Variants in SCN3A observed in about 807,000 individuals in gnomAD.
The protein encoded by SCN3A is sodium voltage-gated channel alpha subunit 3.
SCN3A carries 60 observed loss-of-function variants against 187.6 expected under a neutral mutation model. The ratio of observed to expected loss-of-function variants is 0.32; its 90% CI spans 0.26 to 0.40. SCN3A has a LOEUF of 0.40. Among genes scored for constraint, SCN3A ranks in the 10% least tolerant of loss-of-function variants. SCN3A has a pLI of 1.00. For synonymous variants in SCN3A, 788 were observed against 829.2 expected (o/e 0.95, Z 0.85); for missense variants, 1,601 against 2,428.2 (o/e 0.66, Z 7.16).
intron 21 of SCN3A, among the ~76,000 whole-genome samples, chr2:165,105,385 T>C (rs1685800711): frequency 6.6e-6 from 1 of 152,076 alleles, no homozygotes; most frequent in African/African-American, 2.4e-5. Flanking sequence ...AAATAGCACA[T>C]GGTATTTAAG....
At chr2:165,156,284 A>G (rs1574248336) in intron 9 of SCN3A, among the ~76,000 whole-genome samples, 1 of 151,926 alleles carries the variant, frequency 6.6e-6, no homozygotes, top group African/African-American at 2.4e-5. Context: ...AGGCGGGCGG[A>G]TCATAAGGTC....
At chr2:165,103,141 G>A (rs954022108) in intron 21 of SCN3A, among the ~76,000 whole-genome samples, 1 of 152,184 alleles carries the variant, frequency 6.6e-6, no homozygotes, top group African/African-American at 2.4e-5. Context: ...ATTTTGAAAT[G>A]AGATCTTTCA....
chr2:165,170,249 G>A (rs1380250394), intron 4 of SCN3A, among the ~76,000 whole-genome samples, 181 bp downstream of exon 4: 1 of 151,746 alleles, frequency 6.6e-6, no homozygotes, highest in Non-Finnish European at 1.5e-5. Context: ...CTATAATGCT[G>A]TAGTCATTCT....
At chr2:165,171,769 C>A (rs962367133) in intron 3 of SCN3A, among the ~76,000 whole-genome samples, 1 of 152,052 alleles carries the variant, frequency 6.6e-6, no homozygotes. Context: ...AGTCAAGTAG[C>A]AATTTACACA....
chr2:165,126,592 CT>C, intron 18 of SCN3A, among the ~76,000 whole-genome samples: 1 of 126,310 alleles, frequency 7.9e-6, no homozygotes, highest in African/African-American at 2.8e-5. Context: ...CCCTCCCTCC[CT>C]CCCTTCGTTC....
chr2:165,130,682 G>A (rs757787998), intron 16 of SCN3A, among the ~76,000 whole-genome samples: 16 of 151,662 alleles, frequency 1.1e-4, no homozygotes, highest in Non-Finnish European at 2.2e-4. Context: ...GATTTTTATA[G>A]GCCAATATAA....
At chr2:165,164,636 C>T in intron 5 of SCN3A, 116 bp from the exon 6 acceptor site, 1 of 1,159,836 alleles carries the variant, frequency 8.6e-7, no homozygotes, top group African/African-American at 1.6e-5. Context: ...AAATATTGTT[C>T]CTTACTTCTA....
chr2:165,175,035 G>C (rs56255614), intron 3 of SCN3A, among the ~76,000 whole-genome samples: 20 of 152,314 alleles, frequency 1.3e-4, no homozygotes, highest in Non-Finnish European at 2.8e-4. Context: ...GAGGTAATCT[G>C]TATGGATGTG....
chr2:165,097,267 A>G lies in SCN3A; in HGVS notation c.4224T>C (p.Leu1408=), dbSNP rs1167676027. Residue 1408 remains leucine (L), a synonymous_variant, in exon 23 of 28, where the codon CTT becomes CTC. Coordinates refer to ENST00000283254, the MANE Select transcript of SCN3A (RefSeq NM_006922.4). The part of the protein sequence containing the change: ...VNFDNVGAGY[L]ALLQVATFKG... The stretch of plus-strand genomic sequence containing the variant: ...AGCCACTTACCACTTGAAGCAGTGC[A>G]AGATAGCCAGCGCCAACATTATCAA... 2 of 1,614,146 alleles carry G rather than the reference A, an allele frequency of 1.2e-6. No homozygotes were observed. Among genetic ancestry groups the G allele is most frequent in the South Asian group, 1.1e-5 (1 of 91,080 alleles).
At chr2:165,202,662 G>A (rs1243819727) in intron 1 of SCN3A, among the ~76,000 whole-genome samples, 1 of 151,964 alleles carries the variant, frequency 6.6e-6, no homozygotes, top group Non-Finnish European at 1.5e-5. Context: ...TTACAGTTTG[G>A]AGGCCTTAAG....
At chr2:165,123,061 A>G (rs1353829797) in intron 18 of SCN3A, among the ~76,000 whole-genome samples, 1 of 152,242 alleles carries the variant, frequency 6.6e-6, no homozygotes, top group Non-Finnish European at 1.5e-5. Context: ...GCAAAAATTC[A>G]TAGTTATATA....
intron 2 of SCN3A, among the ~76,000 whole-genome samples, chr2:165,177,211 C>T (rs1690523238): frequency 6.6e-6 from 1 of 152,122 alleles, no homozygotes; most frequent in African/African-American, 2.4e-5. Context: ...TATTCCAAGA[C>T]AATTTTGACG....
Position 165,090,294 on chromosome 2 carries a change from G to T in SCN3A, c.5859C>A (p.Ser1953=). The T allele has an allele frequency of 6.2e-7, 1 of 1,613,208 alleles. No individual in the cohort carries two copies. Among genetic ancestry groups the T allele is most frequent in the Non-Finnish European group, 8.5e-7 (1 of 1,179,502 alleles). Residue 1953 remains serine, a synonymous_variant, in exon 28 of 28, where the codon TCC becomes TCA. Coordinates refer to ENST00000283254, the MANE Select transcript of SCN3A (RefSeq NM_006922.4). The surrounding 1 kb of genome is among the most constrained non-coding windows in gnomAD (Gnocchi z 4.0). ...AACTCCCATCTGTTTTTTCTGGAGT[G>T]GAGTTCCCATTTAGTTTGTCAATAA... ...DMIIDKLNGN[S]TPEKTDGSSS... is the part of the protein sequence containing the mutation.
chr2:165,189,643 G>A (rs935773337), intron 1 of SCN3A, among the ~76,000 whole-genome samples: 1 of 151,984 alleles, frequency 6.6e-6, no homozygotes, highest in Non-Finnish European at 1.5e-5. Flanking sequence ...TGTTATTAAT[G>A]CTTATGCTAA....
chr2:165,121,067 T>TC (rs1686651759), intron 18 of SCN3A, among the ~76,000 whole-genome samples: 1 of 151,976 alleles, frequency 6.6e-6, no homozygotes, highest in Admixed American at 6.6e-5. Context: ...AGCTTTAATT[T>TC]TTTTTTTTTT....
At chr2:165,172,185 G>C (rs1690149103) in intron 3 of SCN3A, among the ~76,000 whole-genome samples, 2 of 152,002 alleles carry the variant, frequency 1.3e-5, no homozygotes, top group African/African-American at 4.8e-5. Context: ...AAACTGAACA[G>C]TTTTTCTGTT....
In SCN3A at chr2:165,087,751, G is replaced by A. The variant is rs538331090; in HGVS notation, c.*2399C>T. ...ATAGGAGTTTATATAATGCATTTAA[G>A]TAACAAAGAATGTAACATTTATTAG... On this transcript the variant is annotated 3_prime_UTR_variant, in exon 28 of 28. Coordinates refer to ENST00000283254, the MANE Select transcript of SCN3A (RefSeq NM_006922.4). The A allele has an allele frequency of 1.3e-5, 2 of 152,116 alleles. No individual in the cohort carries two copies. Among genetic ancestry groups the A allele is most frequent in the African/African-American group, 2.4e-5 (1 of 41,516 alleles). 9.4% of individuals were successfully genotyped at this position (152,116 alleles called of 1,614,324 possible). A position where few individuals can be genotyped will look rare whatever the true frequency, so the allele number is the denominator to read the frequency against.
intron 18 of SCN3A, among the ~76,000 whole-genome samples, chr2:165,126,462 TTC>T (rs1443269638): frequency 1.9e-4 from 28 of 150,948 alleles, no homozygotes; most frequent in East Asian, 1.9e-4. Context: ...TTTCTTTTCT[TTC>T]TCTTTCTTTA....
chr2:165,137,899 C>A lies in SCN3A; in HGVS notation c.2371G>T (p.Val791Leu). The A allele has an allele frequency of 6.2e-7, 1 of 1,612,542 alleles. No homozygotes were observed. Among genetic ancestry groups the A allele is most frequent in the South Asian group, 1.1e-5 (1 of 91,054 alleles). ...HYPMTEQFSS[V>L]LTVGNLVFTG... ...CTTACCAGGTTTCCTACAGTCAACA[C>A]ACTACTGAATTGCTCAGTCATGGGG... Residue 791 changes from valine to leucine, a missense_variant, in exon 15 of 28, where the codon GTG (valine) becomes TTG (leucine). Physicochemically the swap from Val to Leu is conservative, Grantham distance 32. Around this residue, in one of 11 missense-constraint regions of SCN3A, gnomAD observed 376 missense variants for 476.0 expected, o/e 0.79. Coordinates refer to ENST00000283254, the MANE Select transcript of SCN3A (RefSeq NM_006922.4).
Sources: gnomAD v4.1 joint callset for allele counts (sites outside exome capture counted in the v4.1 genomes callset) on GRCh38, gnomAD v4.1.1 for gene constraint, gnomAD v4.1.1 regional missense constraint, Gnocchi (gnomAD v3.1) non-coding constraint, MANE v1.5 for transcripts, NCBI Gene and HGNC (gene_info 2026-07-23, HGNC 2026-07-21) for gene names.